SATB1: variants seen among roughly 807,000 people sequenced by gnomAD.
SATB1 encodes the protein DNA-binding protein SATB1.
In SATB1, 11 loss-of-function variants were observed where a neutral mutation model predicts 86.9. The observed-to-expected ratio is 0.13, with a 90% CI of 0.08 to 0.21. SATB1 has a LOEUF of 0.21. Ranked by LOEUF, SATB1 falls within the 10% of genes least tolerant of loss-of-function variation. The probability of loss-of-function intolerance (pLI) is 1.00; values close to 1 mark genes in which losing one functional copy is unlikely to be tolerated. For synonymous variants in SATB1, 357 were observed against 357.2 expected, an observed-to-expected ratio of 1.00 and a Z score of 0.01; for missense variants, 551 against 937.6, an observed-to-expected ratio of 0.59 and a Z score of 5.39.
At chr3:18,428,763 A>G (rs1698794546), upstream of SATB1, among the ~76,000 whole-genome samples, 1 of 152,214 alleles carries the variant, frequency 6.6e-6, no homozygotes, top group Non-Finnish European at 1.5e-5. Flanking sequence ...TACACACAAA[A>G]TTTTTAAAAA....
chr3:18,429,744 A>G (rs547857764), upstream of SATB1, among the ~76,000 whole-genome samples: 3 of 152,282 alleles, frequency 2.0e-5, no homozygotes, highest in East Asian at 1.9e-4. The surrounding 1 kb of genome is among the most constrained non-coding windows in gnomAD (Gnocchi z 4.1). Flanking sequence ...AGAATCTTGT[A>G]TTTCTCCTTT....
intron 7 of SATB1, among the ~76,000 whole-genome samples, chr3:18,388,336 A>G (rs376575051): frequency 6.6e-6 from 1 of 152,232 alleles, no homozygotes; most frequent in African/African-American, 2.4e-5. Context: ...AAAAAAAAAA[A>G]GTTTGAAAAT....
chr3:18,367,820 T>C (rs1246425905), intron 9 of SATB1, among the ~76,000 whole-genome samples: 3 of 152,096 alleles, frequency 2.0e-5, no homozygotes, highest in African/African-American at 7.2e-5. Context: ...CATGAAAAAC[T>C]GGGGGATAAT....
chr3:18,364,940 GC>G (rs1695107653), intron 9 of SATB1, among the ~76,000 whole-genome samples: 1 of 151,962 alleles, frequency 6.6e-6, no homozygotes, highest in Non-Finnish European at 1.5e-5. Flanking sequence ...GTCCTCAGTA[GC>G]CCCAGGTTTC....
At position 18,349,965 on chromosome 3, in the gene SATB1, G is replaced by T; in HGVS notation, c.1780-283C>A. 1 of 446,660 alleles carries T rather than the reference G, an allele frequency of 2.2e-6. No homozygotes were observed. 27.7% of individuals were successfully genotyped at this position (446,660 alleles called of 1,614,324 possible). ...TGAAAACTCAGTGCTCTGAAAATGTGAGCCATAAAATTCACTAGAATGATA... is the reference window on the plus strand; with the variant it reads ...TGAAAACTCAGTGCTCTGAAAATGTTAGCCATAAAATTCACTAGAATGATA... On this transcript the variant is annotated intron_variant, in intron 10 of 10. Coordinates refer to ENST00000338745, the MANE Select transcript of SATB1 (RefSeq NM_002971.6). The surrounding 1 kb of genome is among the most constrained non-coding windows in gnomAD (Gnocchi z 5.5).
chr3:18,430,980 C>T (rs888576295), intron 2 of SATB1, among the ~76,000 whole-genome samples: 11 of 152,116 alleles, frequency 7.2e-5, no homozygotes, highest in African/African-American at 2.7e-4. Flanking sequence ...GATATCTGGG[C>T]CTTTTACTCA....
chr3:18,358,130 A>G (rs1487698578), intron 9 of SATB1, among the ~76,000 whole-genome samples: 1 of 151,900 alleles, frequency 6.6e-6, no homozygotes, highest in African/African-American at 2.4e-5. Context: ...AAAATTAACT[A>G]TTTTCCAGAA....
At chr3:18,375,114 A>G (rs139702400) in intron 9 of SATB1, among the ~76,000 whole-genome samples, 2 of 152,252 alleles carry the variant, frequency 1.3e-5, no homozygotes, top group Non-Finnish European at 2.9e-5. Flanking sequence ...TCAATGAAGA[A>G]AGGAAAGCCC....
intron 5 of SATB1, among the ~76,000 whole-genome samples, chr3:18,399,180 C>A (rs925449214): frequency 6.6e-6 from 1 of 152,106 alleles, no homozygotes; most frequent in Non-Finnish European, 1.5e-5. Flanking sequence ...CCAAATTTTG[C>A]CGAGGTTTTT....
At chr3:18,432,515 A>G (rs1442050925) in intron 2 of SATB1, among the ~76,000 whole-genome samples, 1 of 152,182 alleles carries the variant, frequency 6.6e-6, no homozygotes, top group African/African-American at 2.4e-5. Flanking sequence ...ACCATAAGGC[A>G]CTGGACGAGG....
rs1055669163 is a variant in SATB1, at chr3:18,346,788, T to G, written c.*2382A>C. 2.6e-5 allele frequency: 4 copies of G among 152,152 alleles called. No individual in the cohort carries two copies. Among genetic ancestry groups the G allele is most frequent in the African/African-American group, 9.7e-5 (4 of 41,446 alleles). The allele number at this position is 152,152 out of a possible 1,614,324, so 9.4% of individuals were successfully genotyped here. A position where few individuals can be genotyped will look rare whatever the true frequency, so the allele number is the denominator to read the frequency against. On this transcript the variant is annotated 3_prime_UTR_variant, in exon 11 of 11. Transcript: ENST00000338745. ...TAGGTTATTAGGAATTGGAAAGTTA[T>G]TTGCAACCCAAACTTAGGGGATATA...
chr3:18,354,998 C>T (rs572707350), intron 9 of SATB1, among the ~76,000 whole-genome samples: 2 of 152,130 alleles, frequency 1.3e-5, no homozygotes, highest in East Asian at 3.9e-4. Flanking sequence ...ACTTCTAATT[C>T]CTTATCTAAA....
chr3:18,352,006 C>T lies in SATB1; in HGVS notation c.1765G>A (p.Ala589Thr). The stretch of plus-strand genomic sequence containing the variant: ...AGTAAACGAACCTGAATCTGCTCTG[C>T]TGGAACATGGATAATGTGGGGCGGC... ...DRPPHIIHVP[A>T]EQIQQQQQQQ... The change falls in exon 10 of 11, where the codon GCA (alanine) becomes ACA (threonine). Residue 589 changes from alanine (A) to threonine (T), a missense_variant. Physicochemically the swap from Ala to Thr is moderately conservative, Grantham distance 58 (BLOSUM62 0). This residue lies in a region of SATB1 where 87 missense variants were observed against 103.6 expected (regional missense o/e 0.84). Coordinates refer to ENST00000338745, the MANE Select transcript of SATB1 (RefSeq NM_002971.6). This position sits in a 1 kb window ranked among gnomAD's most constrained non-coding sequence, Gnocchi z 4.1. The T allele has an allele frequency of 6.2e-7, 1 of 1,614,218 alleles. No individual in the cohort carries two copies. The highest frequency in any genetic ancestry group is 8.5e-7 in the Non-Finnish European group (1 of 1,180,040).
chr3:18,444,589 C>CA lies in SATB1; in HGVS notation c.-25+928dup. The CA allele has an allele frequency of 2.0e-6, 2 of 985,602 alleles. No individual in the cohort carries two copies. Among genetic ancestry groups the CA allele is most frequent in the Non-Finnish European group, 2.4e-6 (2 of 830,212 alleles). The allele number at this position is 985,602 out of a possible 1,614,324, so 61.1% of individuals were successfully genotyped here. On this transcript the variant is annotated intron_variant, in intron 1 of 3. Coordinates refer to the SATB1 transcript ENST00000415069. This position sits in a 1 kb window ranked among gnomAD's most constrained non-coding sequence, Gnocchi z 5.1. ...AAGAGTAGCAAGGGGAAAAGGGAGG[C>CA]AAAAGAGCAGAACTCACTCAGGCAT... is the stretch of plus-strand genomic sequence containing the variant.
chr3:18,399,553 T>C (rs1175203085), intron 5 of SATB1, among the ~76,000 whole-genome samples: 2 of 152,190 alleles, frequency 1.3e-5, no homozygotes, highest in African/African-American at 2.4e-5. Flanking sequence ...ATACAGTTTA[T>C]TATTATTCGT....
upstream of SATB1, among the ~76,000 whole-genome samples, chr3:18,439,207 A>G (rs1249079734): frequency 6.6e-6 from 1 of 152,218 alleles, no homozygotes; most frequent in Non-Finnish European, 1.5e-5. Context: ...TAACTAAACT[A>G]CATCACCGCA....
Position 18,346,826 on chromosome 3 carries a change from A to T in SATB1, c.*2344T>A, listed in dbSNP as rs1694081365. 1 of 152,176 alleles carries T rather than the reference A, an allele frequency of 6.6e-6. No homozygotes were observed. The highest frequency in any genetic ancestry group is 6.5e-5 in the Admixed American group (1 of 15,276). 9.4% of individuals were successfully genotyped at this position (152,176 alleles called of 1,614,324 possible). A position where few individuals can be genotyped will look rare whatever the true frequency, so the allele number is the denominator to read the frequency against. On this transcript the variant is annotated 3_prime_UTR_variant, in exon 11 of 11. Coordinates refer to ENST00000338745, the MANE Select transcript of SATB1 (RefSeq NM_002971.6). ...CTTAGGGGATATAAGGAAGAGGAAGATAACTTCATGGCATTTGAGTTTCTA... is the reference window on the plus strand; with the variant it reads ...CTTAGGGGATATAAGGAAGAGGAAGTTAACTTCATGGCATTTGAGTTTCTA...
Position 18,352,234 on chromosome 3 carries a change from G to A in SATB1, c.1576-39C>T, listed in dbSNP as rs1694401403. On this transcript the variant is annotated intron_variant, in intron 9 of 10. Transcript: ENST00000338745. The surrounding 1 kb of genome is among the most constrained non-coding windows in gnomAD (Gnocchi z 4.1). The stretch of plus-strand genomic sequence containing the variant: ...GCATAATAGGTCAGTTTGTGCCTAT[G>A]AGAGGGGCTGGCATTTTCCATTAGG... 2 of 1,583,994 alleles carry A rather than the reference G, an allele frequency of 1.3e-6. No individual in the cohort carries two copies. The highest frequency in any genetic ancestry group is 1.7e-6 in the Non-Finnish European group (2 of 1,154,154).
chr3:18,380,316 A>G (rs1227081131), intron 8 of SATB1, among the ~76,000 whole-genome samples: 2 of 152,164 alleles, frequency 1.3e-5, no homozygotes, highest in Non-Finnish European at 2.9e-5. Flanking sequence ...TGGTGTTTCG[A>G]TCTGTTTTTA....
Sources: gnomAD v4.1 joint callset for allele counts (sites outside exome capture counted in the v4.1 genomes callset) on GRCh38, gnomAD v4.1.1 for gene constraint, gnomAD v4.1.1 regional missense constraint, Gnocchi (gnomAD v3.1) non-coding constraint, MANE v1.5 for transcripts, NCBI Gene and HGNC (gene_info 2026-07-23, HGNC 2026-07-21) for gene names.